The following CAMK2G variants were observed in gnomAD, a reference collection of about 807,000 sequenced individuals.
The protein encoded by CAMK2G is calcium/calmodulin dependent protein kinase II gamma.
In CAMK2G, 23 loss-of-function variants were observed where a neutral mutation model predicts 88.7. The observed-to-expected ratio is 0.26, with a 90% CI of 0.19 to 0.37. CAMK2G has a LOEUF of 0.37. CAMK2G is among the 10% of genes least tolerant of loss of function. CAMK2G has a pLI of 1.00. For synonymous variants in CAMK2G, 263 were observed against 294.8 expected (o/e 0.89, Z 1.11); for missense variants, 476 against 780.8 (o/e 0.61, Z 4.65).
intron 2 of CAMK2G, among the ~76,000 whole-genome samples, chr10:73,864,729 G>A (rs761729623): frequency 6.6e-5 from 10 of 151,974 alleles, no homozygotes; most frequent in Non-Finnish European, 1.3e-4. Flanking sequence ...TGCAAGCTCC[G>A]CCTCCCAGGT....
intron 2 of CAMK2G, among the ~76,000 whole-genome samples, chr10:73,864,367 G>A (rs2095504170): frequency 6.6e-6 from 1 of 152,172 alleles, no homozygotes; most frequent in Admixed American, 6.5e-5. Context: ...GAAGACAGTG[G>A]CGAACAAAAC....
intron 2 of CAMK2G, among the ~76,000 whole-genome samples, chr10:73,871,810 C>T (rs1188828791): frequency 6.6e-6 from 1 of 152,098 alleles, no homozygotes; most frequent in African/African-American, 2.4e-5. Context: ...GAGAGAGAGT[C>T]CCCAGTCAGG....
At chr10:73,872,757 G>A (rs1455756229) in intron 2 of CAMK2G, among the ~76,000 whole-genome samples, 1 of 152,136 alleles carries the variant, frequency 6.6e-6, no homozygotes, top group Non-Finnish European at 1.5e-5. Flanking sequence ...GAGCCTTTGG[G>A]GGCCACTGCA....
At chr10:73,832,877 C>G (rs756631379) in intron 14 of CAMK2G, among the ~76,000 whole-genome samples, 2 of 151,994 alleles carry the variant, frequency 1.3e-5, no homozygotes, top group Non-Finnish European at 2.9e-5. Flanking sequence ...GCGACAGCCT[C>G]CTGAGTAGCT....
Position 73,842,098 on chromosome 10 carries a change from C to T in CAMK2G, c.946+71G>A, listed in dbSNP as rs1190368047. The stretch of plus-strand genomic sequence containing the variant: ...GACGCCGAGGAAACCCAGCGGTGCC[C>T]GGGATGGCAACAGCCCATTCCTGAT... On this transcript the variant is annotated intron_variant, in intron 12 of 22. Transcript: ENST00000423381. This position sits in a 1 kb window ranked among gnomAD's most constrained non-coding sequence, Gnocchi z 4.6. 10 of 1,261,386 alleles carry T rather than the reference C, an allele frequency of 7.9e-6. No individual in the cohort carries two copies. Among genetic ancestry groups the T allele is most frequent in the African/African-American group, 4.4e-5 (3 of 68,042 alleles). 78.1% of individuals were successfully genotyped at this position (1,261,386 alleles called of 1,614,324 possible).
At chr10:73,853,082 G>T in intron 4 of CAMK2G, 110 bp downstream of exon 4, 2 of 999,390 alleles carry the variant, frequency 2.0e-6, no homozygotes, top group Non-Finnish European at 3.1e-6. Flanking sequence ...CTCGGACAAA[G>T]GAGGGGGCCC....
At chr10:73,851,067 C>T (rs2094579041) in intron 5 of CAMK2G, among the ~76,000 whole-genome samples, 1 of 152,182 alleles carries the variant, frequency 6.6e-6, no homozygotes, top group Admixed American at 6.5e-5. Flanking sequence ...CCTCGTCCTC[C>T]CCTGCTGGCA....
intron 12 of CAMK2G, among the ~76,000 whole-genome samples, chr10:73,840,209 TCA>T (rs1441757321): frequency 6.6e-6 from 1 of 152,070 alleles, no homozygotes; most frequent in Non-Finnish European, 1.5e-5. Context: ...GGCAGCATTC[TCA>T]GTCTGTGTGT....
At chr10:73,843,392 T>C (rs948202797) in intron 10 of CAMK2G, among the ~76,000 whole-genome samples, 1 of 152,214 alleles carries the variant, frequency 6.6e-6, no homozygotes, top group Non-Finnish European at 1.5e-5. Flanking sequence ...TTGTCTTCAA[T>C]GTATTTACTG....
At chr10:73,829,266 TTTTATTTATTTATTTATTTA>T (rs55861420) in intron 14 of CAMK2G, among the ~76,000 whole-genome samples, 10 of 141,032 alleles carry the variant, frequency 7.1e-5, no homozygotes, top group East Asian at 6.3e-4. Flanking sequence ...TACATTGGCC[TTTTATTTATTTATTTATTTA>T]TTTATTTATT....
At chr10:73,869,341 T>C (rs998179760) in intron 2 of CAMK2G, among the ~76,000 whole-genome samples, 1 of 152,200 alleles carries the variant, frequency 6.6e-6, no homozygotes, top group Admixed American at 6.5e-5. Flanking sequence ...TGCCATTTAG[T>C]GACAGGGAAG....
Position 73,819,650 on chromosome 10 carries a change from C to A in CAMK2G, c.1250-5G>T. On this transcript the variant is annotated splice_region_variant and splice_polypyrimidine_tract_variant and intron_variant, in intron 18 of 22. Transcript: ENST00000423381. ...TCCCAGTGCGGAGCGGGGCAGCTAG[C>A]CAGCCAGGGCAGGGCAGGGCAGGGC... is the stretch of plus-strand genomic sequence containing the variant. 1 of 1,529,262 alleles carries A rather than the reference C, an allele frequency of 6.5e-7. No individual in the cohort carries two copies. Among genetic ancestry groups the A allele is most frequent in the Non-Finnish European group, 8.8e-7 (1 of 1,137,756 alleles). The allele number at this position is 1,529,262 out of a possible 1,614,324, so 94.7% of individuals were successfully genotyped here. A position where few individuals can be genotyped will look rare whatever the true frequency, so the allele number is the denominator to read the frequency against.
intron 17 of CAMK2G, among the ~76,000 whole-genome samples, chr10:73,823,562 C>T (rs371933485): frequency 6.6e-6 from 1 of 152,158 alleles, no homozygotes; most frequent in Non-Finnish European, 1.5e-5. Flanking sequence ...TCCCATCCCA[C>T]CCACCGTTTG....
rs570394890 is a variant in CAMK2G at position 73,817,400 on chromosome 10, G to A, written c.1439+79C>T. ...CCAAGGTCCAACCTCCCTTTCCCCA[G>A]GGTCCTAATTGTTGTCTGGAAGCAG... On this transcript the variant is annotated intron_variant, in intron 20 of 22. Coordinates refer to ENST00000423381, the MANE Select transcript of CAMK2G (RefSeq NM_001367534.1). 6 of 1,056,920 alleles carry A rather than the reference G, an allele frequency of 5.7e-6. No homozygotes were observed. In the African/African-American group the frequency reaches 9.4e-5, roughly 17 times the overall value. The allele number at this position is 1,056,920 out of a possible 1,614,324, so 65.5% of individuals were successfully genotyped here.
intron 3 of CAMK2G, among the ~76,000 whole-genome samples, chr10:73,853,765 A>G (rs1008544021): frequency 6.6e-6 from 1 of 152,242 alleles, no homozygotes; most frequent in Admixed American, 6.5e-5. Flanking sequence ...AAGGCCACGC[A>G]CACATTCAGG....
In CAMK2G at chr10:73,870,563, C is replaced by A. The variant is rs533269726; in HGVS notation, c.160+2426G>T. ...CCAGGGATGCCAAGGAGAAACAGCTCTATACCCTCTTTTTATCTTTTCAGT... is the reference window on the plus strand; with the variant it reads ...CCAGGGATGCCAAGGAGAAACAGCTATATACCCTCTTTTTATCTTTTCAGT... On this transcript the variant is annotated intron_variant, in intron 2 of 22. Transcript: ENST00000423381. Among the ~76,000 whole-genome samples, 6 of 152,304 alleles carry A rather than the reference C, an allele frequency of 3.9e-5. No individual in the cohort carries two copies. In the South Asian group the frequency reaches 1.2e-3, roughly 32 times the overall value.
At chr10:73,828,429 G>A (rs979519830) in intron 14 of CAMK2G, among the ~76,000 whole-genome samples, 4 of 152,192 alleles carry the variant, frequency 2.6e-5, no homozygotes, top group Admixed American at 1.3e-4. Flanking sequence ...AGTCTGTGAG[G>A]TTAAGTATCA....
intron 19 of CAMK2G, chr10:73,818,395 T>C (rs1013002356): frequency 6.7e-6 from 2 of 300,672 alleles, no homozygotes; most frequent in Admixed American, 3.9e-5. Context: ...GCTTCTCTTA[T>C]AGGGAATGCC....
rs2096010029 is a variant in CAMK2G, at chr10:73,874,472, G to C, written c.-11C>G. ...GGCGGTGGTGGCCATGCTGGCGGGC[G>C]GGCGGACGCGGCGGTGCAGCCCGCG... On this transcript the variant is annotated 5_prime_UTR_variant, in exon 1 of 23. Transcript: ENST00000423381. 1 of 1,489,164 alleles carries C rather than the reference G, an allele frequency of 6.7e-7. No individual in the cohort carries two copies. Among genetic ancestry groups the C allele is most frequent in the South Asian group, 1.3e-5 (1 of 78,196 alleles). 92.2% of individuals were successfully genotyped at this position (1,489,164 alleles called of 1,614,324 possible).
Sources: allele counts gnomAD v4.1 joint callset (sites outside exome capture counted in the v4.1 genomes callset), GRCh38; gene constraint gnomAD v4.1.1; non-coding constraint Gnocchi (gnomAD v3.1); transcripts MANE v1.5; gene names NCBI Gene and HGNC (gene_info 2026-07-23, HGNC 2026-07-21).